Variants in KCNIP1 observed in about 807,000 individuals in gnomAD.
The protein encoded by KCNIP1 is potassium voltage-gated channel interacting protein 1.
A neutral mutation model predicts 33.0 loss-of-function variants in KCNIP1; 18 were observed. The ratio of observed to expected loss-of-function variants is 0.55; its 90% CI spans 0.38 to 0.81. KCNIP1 has a LOEUF of 0.81. Among genes scored for constraint, KCNIP1 ranks in the 30% least tolerant of loss-of-function variants. The pLI is 0.00. For missense variants in KCNIP1, 238 were observed against 271.6 expected (o/e 0.88, Z 0.87); for synonymous variants, 93 against 98.3 (o/e 0.95, Z 0.32).
intron 1 of KCNIP1, among the ~76,000 whole-genome samples, chr5:170,557,271 C>T (rs776756343): frequency 1.3e-5 from 2 of 152,180 alleles, no homozygotes; most frequent in Non-Finnish European, 2.9e-5. Context: ...AGTGCTCAGA[C>T]ATGTTAGCCA....
rs1210151629 is a variant in KCNIP1 at position 170,695,747 on chromosome 5, G to A, written c.62-23011G>A. ...ACACAGTTAGCATCCTAGGCTGGGC[G>A]CGGTAGCTCACGCCTGTAATCCCAG... On this transcript the variant is annotated intron_variant, in intron 1 of 7. Coordinates refer to ENST00000328939, the MANE Select transcript of KCNIP1 (RefSeq NM_014592.4). Among the ~76,000 whole-genome samples, 7 of 152,298 alleles carry A rather than the reference G, an allele frequency of 4.6e-5. No homozygotes were observed. The South Asian group carries it at 1.2e-3, about 27-fold the overall frequency.
At chr5:170,632,991 C>A (rs1331348419) in intron 1 of KCNIP1, among the ~76,000 whole-genome samples, 1 of 152,244 alleles carries the variant, frequency 6.6e-6, no homozygotes, top group Non-Finnish European at 1.5e-5. Context: ...CCATTTCCCT[C>A]CCTTCTCCCC....
intron 1 of KCNIP1, among the ~76,000 whole-genome samples, chr5:170,695,451 T>A (rs1762859863): frequency 6.6e-6 from 1 of 152,206 alleles, no homozygotes; most frequent in African/African-American, 2.4e-5. Flanking sequence ...GATTCATTAC[T>A]CCCCAAAGGT....
intron 1 of KCNIP1, among the ~76,000 whole-genome samples, chr5:170,597,820 T>TATATATATATATATGAAA (rs1441774904): frequency 2.7e-3 from 150 of 56,046 alleles, no homozygotes; most frequent in Non-Finnish European, 3.9e-3. Flanking sequence ...TATATATATA[T>TATATATATATATATGAAA]ATATATATAT....
chr5:170,490,560 T>A (rs578247344), intron 1 of KCNIP1, among the ~76,000 whole-genome samples: 1 of 152,294 alleles, frequency 6.6e-6, no homozygotes, highest in South Asian at 2.1e-4. Flanking sequence ...GACTTTGACA[T>A]TGTCCTGTGG....
intron 1 of KCNIP1, among the ~76,000 whole-genome samples, chr5:170,564,102 TAAC>T: frequency 6.6e-6 from 1 of 152,306 alleles, no homozygotes; most frequent in African/African-American, 2.4e-5. Context: ...AGCTATGCAA[TAAC>T]AATCTGCTGA....
chr5:170,653,681 TTC>T (rs147435186), intron 1 of KCNIP1, among the ~76,000 whole-genome samples: 2 of 150,146 alleles, frequency 1.3e-5, no homozygotes, highest in South Asian at 2.1e-4. Context: ...CTCAGTCTCC[TTC>T]TCTCTCTCTC....
At chr5:170,502,697 C>A (rs1332539146), upstream of KCNIP1, among the ~76,000 whole-genome samples, 1 of 152,064 alleles carries the variant, frequency 6.6e-6, no homozygotes, top group African/African-American at 2.4e-5. Context: ...GGCCATACAT[C>A]CGGGTATTCT....
In KCNIP1 at chr5:170,388,479, C is replaced by T. The variant is rs4867962; in HGVS notation, c.88+34515C>T. Among the ~76,000 whole-genome samples the T allele has an allele frequency of 9.9e-3, 1,500 of 152,280 alleles. 46 individuals are homozygous for T. The East Asian group carries it at 0.11, about 11-fold the overall frequency. On this transcript the variant is annotated intron_variant, in intron 1 of 7. Transcript: ENST00000377360. ...GTAAGAAGAACTTCCCAGTTTTGAG[C>T]ATTTCTAAATATCTCTGAAGTTCCA...
intron 1 of KCNIP1, among the ~76,000 whole-genome samples, chr5:170,498,975 C>A (rs924327758): frequency 6.6e-6 from 1 of 152,048 alleles, no homozygotes; most frequent in Non-Finnish European, 1.5e-5. Context: ...ATTTGTAGCA[C>A]ACTTAGGATG....
chr5:170,676,173 G>GAAGGAAAGGAAAGGAAAGGAAAGGA lies in KCNIP1; in HGVS notation c.62-42559_62-42535dup, dbSNP rs56218336. On this transcript the variant is annotated intron_variant, in intron 1 of 7. Coordinates refer to ENST00000328939, the MANE Select transcript of KCNIP1 (RefSeq NM_014592.4). ...AGGGGGAGGTAGGGAGGGAAAGAAG[G>GAAGGAAAGGAAAGGAAAGGAAAGGA]AAGGAAAGGAAAGGAAAGGAAAGGA... 7.3e-3 allele frequency among the ~76,000 whole-genome samples: 733 copies of GAAGGAAAGGAAAGGAAAGGAAAGGA among 101,006 alleles called. 8 individuals are homozygous for GAAGGAAAGGAAAGGAAAGGAAAGGA. Among genetic ancestry groups the GAAGGAAAGGAAAGGAAAGGAAAGGA allele is most frequent in the Middle Eastern group, 0.027 (5 of 186 alleles). The allele number at this position is 101,006 out of a possible 152,430, so 66.3% of individuals were successfully genotyped here.
intron 1 of KCNIP1, among the ~76,000 whole-genome samples, chr5:170,388,023 C>CG (rs1365673849): frequency 1.3e-5 from 2 of 149,524 alleles, no homozygotes; most frequent in African/African-American, 5.0e-5. Context: ...AATCAGCCCC[C>CG]CCCAGCGCCC....
intron 1 of KCNIP1, among the ~76,000 whole-genome samples, chr5:170,515,382 T>C (rs1005007501): frequency 5.3e-5 from 8 of 152,188 alleles, no homozygotes; most frequent in Non-Finnish European, 2.9e-5. Context: ...ACTCTATACG[T>C]TGGTCCATAT....
At chr5:170,515,929 A>G (rs773207517) in intron 1 of KCNIP1, among the ~76,000 whole-genome samples, 28 of 152,226 alleles carry the variant, frequency 1.8e-4, no homozygotes, top group Non-Finnish European at 3.8e-4. Flanking sequence ...CCAGGCAAGA[A>G]TGTAGGTTAG....
chr5:170,539,574 A>G (rs1756119730), intron 1 of KCNIP1, among the ~76,000 whole-genome samples: 1 of 152,202 alleles, frequency 6.6e-6, no homozygotes, highest in Admixed American at 6.5e-5. Context: ...AGGGTCTTGC[A>G]TCTCATCACC....
At chr5:170,670,910 A>T (rs1263366517) in intron 1 of KCNIP1, among the ~76,000 whole-genome samples, 1 of 131,680 alleles carries the variant, frequency 7.6e-6, no homozygotes, top group Non-Finnish European at 1.6e-5. Flanking sequence ...AACAAAAAAA[A>T]AAATAAAAAA....
At chr5:170,490,636 G>A (rs529401919) in intron 1 of KCNIP1, among the ~76,000 whole-genome samples, 2 of 152,250 alleles carry the variant, frequency 1.3e-5, no homozygotes, top group South Asian at 4.1e-4. Context: ...GTATTATTAT[G>A]GGAATTTTCT....
In KCNIP1 at chr5:170,357,683, C is replaced by T. The variant is rs117429314; in HGVS notation, c.88+3719C>T. 6.2e-4 allele frequency among the ~76,000 whole-genome samples: 95 copies of T among 152,324 alleles called. No homozygotes were observed. The East Asian group carries it at 0.018, about 29-fold the overall frequency. ...TAGCTGAGACCACACATGTGCACCA[C>T]CACAACCAGCTAATTTTGACTGTTT... On this transcript the variant is annotated intron_variant, in intron 1 of 7. Transcript: ENST00000377360.
intron 1 of KCNIP1, among the ~76,000 whole-genome samples, chr5:170,627,568 T>C (rs1759880610): frequency 6.6e-6 from 1 of 152,240 alleles, no homozygotes; most frequent in Admixed American, 6.5e-5. Context: ...CTCAGGACCC[T>C]GGCTGACCCC....
Sources: gnomAD v4.1 joint callset for allele counts (sites outside exome capture counted in the v4.1 genomes callset) on GRCh38, gnomAD v4.1.1 for gene constraint, MANE v1.5 for transcripts, NCBI Gene and HGNC (gene_info 2026-07-23, HGNC 2026-07-21) for gene names.